GNA13: variants seen among roughly 807,000 people sequenced by gnomAD.
The protein encoded by GNA13 is guanine nucleotide-binding protein subunit alpha-13.
Under a neutral mutation model 33.5 loss-of-function variants are expected in GNA13, and 4 were observed. That is an observed-to-expected ratio of 0.12 (90% confidence interval 0.06 to 0.27). GNA13 has a LOEUF of 0.27. GNA13 is among the 10% of genes least tolerant of loss of function. GNA13 has a pLI of 1.00. For missense variants in GNA13, 319 were observed against 487.2 expected (o/e 0.65, Z 3.25); for synonymous variants, 176 against 183.8 (o/e 0.96, Z 0.34).
Position 65,045,913 on chromosome 17 carries a change from T to C in GNA13, c.510+7589A>G, listed in dbSNP as rs112964541. 2.9e-3 allele frequency among the ~76,000 whole-genome samples: 441 copies of C among 152,306 alleles called. 3 individuals are homozygous for C. Among genetic ancestry groups the C allele is most frequent in the African/African-American group, 0.01 (424 of 41,574 alleles). On this transcript the variant is annotated intron_variant, in intron 2 of 3. Coordinates refer to ENST00000439174, the MANE Select transcript of GNA13 (RefSeq NM_006572.6). ...AGTTGGGAATGAAAGACAAGAAGAA[T>C]GCTCCACAGATGCCATGTTTGAGTG...
intron 2 of GNA13, among the ~76,000 whole-genome samples, chr17:65,028,725 G>A (rs1170959365): frequency 6.6e-6 from 1 of 152,084 alleles, no homozygotes. Context: ...AAAGATGAAA[G>A]TCAAGGAATA....
intron 2 of GNA13, among the ~76,000 whole-genome samples, chr17:65,037,777 GGAAAAAAAA>G (rs1268550424): frequency 4.9e-5 from 4 of 82,042 alleles, no homozygotes; most frequent in Admixed American, 1.9e-4. Flanking sequence ...CTACAAAAAT[GGAAAAAAAA>G]AAAAAAAAAA....
In GNA13 at chr17:65,053,514, T is replaced by G. The variant is rs1484260605; in HGVS notation, c.498A>C (p.Arg166=). Reference sequence around the variant, plus strand: ...GCAAATCTCTTACCAGTTGAAATTCTCGACGCCGGTCATAGGCATTCTGTA... The same window carrying G: ...GCAAATCTCTTACCAGTTGAAATTCGCGACGCCGGTCATAGGCATTCTGTA... ...SGIQNAYDRR[R]EFQLGESVKY... Residue 166 remains arginine, a synonymous_variant, in exon 2 of 4, where the codon CGA becomes CGC. Transcript: ENST00000439174. The G allele has an allele frequency of 6.3e-7, 1 of 1,598,674 alleles. No individual in the cohort carries two copies. Among genetic ancestry groups the G allele is most frequent in the Admixed American group, 1.7e-5 (1 of 59,990 alleles).
chr17:65,051,252 T>C (rs545588973), intron 2 of GNA13, among the ~76,000 whole-genome samples: 23 of 152,230 alleles, frequency 1.5e-4, no homozygotes, highest in South Asian at 6.2e-4. Flanking sequence ...CCTGACAAAA[T>C]TGAGTTGAAA....
chr17:65,028,454 T>C (rs959140396), intron 2 of GNA13, among the ~76,000 whole-genome samples: 4 of 145,474 alleles, frequency 2.7e-5, no homozygotes, highest in African/African-American at 1.0e-4. Context: ...AGGAAGAAAG[T>C]GGAAAAAAAA....
At chr17:65,033,255 TGGGA>T (rs1033724645) in intron 2 of GNA13, among the ~76,000 whole-genome samples, 1 of 151,576 alleles carries the variant, frequency 6.6e-6, no homozygotes, top group Non-Finnish European at 1.5e-5. Context: ...GAGGCCAAGG[TGGGA>T]GGATCGTTTG....
intron 2 of GNA13, among the ~76,000 whole-genome samples, chr17:65,026,589 C>A (rs964589330): frequency 9.2e-5 from 14 of 152,026 alleles, no homozygotes; most frequent in Non-Finnish European, 7.4e-5. Context: ...ACAAATTCAT[C>A]AAAAAATATG....
At chr17:65,056,258 G>GCC in intron 1 of GNA13, 53 bp downstream of exon 1, 1 of 574,318 alleles carries the variant, frequency 1.7e-6, no homozygotes, top group Non-Finnish European at 3.0e-6. Context: ...CGCACCCGCC[G>GCC]CCGCCCCAGC....
At chr17:65,042,877 TAG>T (rs1210101503) in intron 2 of GNA13, among the ~76,000 whole-genome samples, 4 of 152,206 alleles carry the variant, frequency 2.6e-5, no homozygotes, top group African/African-American at 4.8e-5. Context: ...TAATGAGGTT[TAG>T]AGAGTAAATC....
chr17:65,039,108 C>T (rs1907366573), intron 2 of GNA13, among the ~76,000 whole-genome samples: 1 of 152,176 alleles, frequency 6.6e-6, no homozygotes, highest in African/African-American at 2.4e-5. Flanking sequence ...CACCAATATC[C>T]ACCTAGTTGA....
chr17:65,025,867 T>C (rs1345872450), intron 2 of GNA13, among the ~76,000 whole-genome samples: 1 of 150,122 alleles, frequency 6.7e-6, no homozygotes, highest in East Asian at 1.9e-4. Flanking sequence ...ACGCCTGTGG[T>C]CCCAGCTATT....
At chr17:65,049,234 T>C (rs997589490) in intron 2 of GNA13, among the ~76,000 whole-genome samples, 3 of 152,164 alleles carry the variant, frequency 2.0e-5, no homozygotes, top group Non-Finnish European at 2.9e-5. Context: ...CTCAGTCTCC[T>C]GAGTAGCCAG....
chr17:65,043,089 G>A (rs1014029937), intron 2 of GNA13, among the ~76,000 whole-genome samples: 1 of 152,190 alleles, frequency 6.6e-6, no homozygotes, highest in Non-Finnish European at 1.5e-5. Context: ...TACAGTTGCA[G>A]AACTAGAAAT....
intron 2 of GNA13, among the ~76,000 whole-genome samples, chr17:65,019,901 G>A (rs997225987): frequency 4.6e-5 from 7 of 152,128 alleles, no homozygotes; most frequent in Admixed American, 3.3e-4. Context: ...TGATTATTAC[G>A]CATTGCATGC....
intron 2 of GNA13, among the ~76,000 whole-genome samples, chr17:65,027,896 G>C (rs1906852354): frequency 6.6e-6 from 1 of 152,096 alleles, no homozygotes; most frequent in Non-Finnish European, 1.5e-5. Flanking sequence ...CTTGAGGCCA[G>C]GAGTTTAAGA....
At chr17:65,020,466 T>G (rs749767502) in intron 2 of GNA13, among the ~76,000 whole-genome samples, 1 of 152,182 alleles carries the variant, frequency 6.6e-6, no homozygotes, top group African/African-American at 2.4e-5. Flanking sequence ...TCATAGGCCA[T>G]GTGTTTGTTA....
chr17:65,053,692 T>C lies in GNA13; in HGVS notation c.320A>G (p.His107Arg), dbSNP rs200421130. The C allele has an allele frequency of 2.5e-6, 4 of 1,613,922 alleles. No homozygotes were observed. The highest frequency in any genetic ancestry group is 2.2e-5 in the East Asian group (1 of 44,886). ...GTTTGAGTTGTCTCCCCAGGGAATA[T>C]GAAGCTTCTCTCGAGCATCAACCAG... ...RVLVDAREKL[H>R]IPWGDNSNQQ... Residue 107 changes from histidine (H) to arginine (R), a missense_variant, in exon 2 of 4, where the codon CAT becomes CGT. This residue lies in a region of GNA13 where 136 missense variants were observed against 159.3 expected (regional missense o/e 0.85). Transcript: ENST00000439174.
chr17:65,044,809 A>G (rs1213597084), intron 2 of GNA13, among the ~76,000 whole-genome samples: 4 of 152,136 alleles, frequency 2.6e-5, no homozygotes, highest in African/African-American at 7.2e-5. Flanking sequence ...TTGGGAGGCT[A>G]AGGCGGACAG....
rs1908062577 is a variant in GNA13 at position 65,056,426 on chromosome 17, C to G, written c.168G>C (p.Ala56=). The G allele has an allele frequency of 6.2e-7, 1 of 1,613,862 alleles. No individual in the cohort carries two copies. The highest frequency in any genetic ancestry group is 1.3e-5 in the African/African-American group (1 of 75,020). The change falls in exon 1 of 4, where the codon GCG becomes GCC. Residue 56 remains alanine (A), a synonymous_variant. Transcript: ENST00000439174. ...GGAAGGTGGACTTGCCGCTCTCGCC[C>G]GCGCCCAGCAGCAGGATCTTCACCA... ...KRLVKILLLG[A]GESGKSTFLK... is the part of the protein sequence containing the mutation.
Sources: allele counts gnomAD v4.1 joint callset (sites outside exome capture counted in the v4.1 genomes callset), GRCh38; gene constraint gnomAD v4.1.1; regional missense constraint gnomAD v4.1.1; transcripts MANE v1.5; gene names NCBI Gene and HGNC (gene_info 2026-07-23, HGNC 2026-07-21).